Variants in TTC21A observed in about 807,000 individuals in gnomAD.
TTC21A encodes tetratricopeptide repeat domain 21A, also known as tetratricopeptide repeat protein 21A.
In TTC21A, 128 loss-of-function variants were observed where a neutral mutation model predicts 156.4. The observed-to-expected ratio is 0.82, with a 90% CI of 0.71 to 0.95. The LOEUF (loss-of-function observed/expected upper bound fraction) is 0.95. Among genes scored for constraint, TTC21A ranks in the 40% least tolerant of loss-of-function variants. The probability of loss-of-function intolerance (pLI) is 0.00; values close to 1 mark genes in which losing one functional copy is unlikely to be tolerated. For synonymous variants in TTC21A, 587 were observed against 617.1 expected, an observed-to-expected ratio of 0.95 and a Z score of 0.72; for missense variants, 1,435 against 1,602.3, an observed-to-expected ratio of 0.90 and a Z score of 1.78.
At chr3:39,132,608 C>T in intron 19 of TTC21A, 1 of 184,464 alleles carries the variant, frequency 5.4e-6, no homozygotes, top group Non-Finnish European at 1.1e-5. Flanking sequence ...TTCCTCTTGC[C>T]CTGATGTTCT....
rs202110419 is a variant in TTC21A at position 39,112,633 on chromosome 3, C to T, written c.558+53C>T. 2,539 of 1,601,704 alleles carry T rather than the reference C, an allele frequency of 1.6e-3. 3 individuals are homozygous for T. The highest frequency in any genetic ancestry group is 2.3e-3 in the Admixed American group (137 of 58,844). On this transcript the variant is annotated intron_variant, in intron 5 of 28. Coordinates refer to ENST00000683103, the MANE Select transcript of TTC21A (RefSeq NM_001366900.1). ...AGTATTCCTGGCCAGGCCACTGGAA[C>T]CAGAGACCCACCAGGTACCCCCAGG...
rs751730882 is a variant in TTC21A at position 39,114,557 on chromosome 3, G to A, written c.559-28G>A. 18 of 1,612,294 alleles carry A rather than the reference G, an allele frequency of 1.1e-5. No homozygotes were observed. In the East Asian group the frequency reaches 2.5e-4, roughly 22 times the overall value. On this transcript the variant is annotated intron_variant, in intron 5 of 28. Transcript: ENST00000683103. ...CTCCCTTCATGGGCACTCCCTTCAC[G>A]GAGGCTCTTCTGTCTGGCTCCCAAC...
At chr3:39,125,199 T>A in intron 10 of TTC21A, 39 bp downstream of exon 10, 1 of 1,535,032 alleles carries the variant, frequency 6.5e-7, no homozygotes, top group South Asian at 1.1e-5. Context: ...TCCAGGATGA[T>A]GTCCTCTGCT....
chr3:39,115,471 G>A (rs1032866137), intron 6 of TTC21A, among the ~76,000 whole-genome samples: 7 of 152,080 alleles, frequency 4.6e-5, no homozygotes, highest in Non-Finnish European at 7.4e-5. Context: ...GACCAGCCTC[G>A]GCAACATAGT....
At position 39,127,883 on chromosome 3, in the gene TTC21A, C is replaced by G. The variant is rs1167204341; in HGVS notation, c.1523-448C>G. ...GACAAGAACAATAGCACCAACCTTG[C>G]AGGGCTGGGCAAGTAATAAATCAGA... On this transcript the variant is annotated intron_variant, in intron 12 of 28. Coordinates refer to ENST00000683103, the MANE Select transcript of TTC21A (RefSeq NM_001366900.1). 2.0e-5 allele frequency among the ~76,000 whole-genome samples: 3 copies of G among 152,226 alleles called. No homozygotes were observed. The East Asian group carries it at 5.8e-4, about 29-fold the overall frequency.
In TTC21A at chr3:39,126,281, C is replaced by A; in HGVS notation, c.1413C>A (p.Ile471=). The change falls in exon 12 of 29, where the codon ATC becomes ATA. Residue 471 remains isoleucine (I), a synonymous_variant. Transcript: ENST00000683103. ...CACAGCCCAGGTTACCAGGCCAGAT[C>A]GTGTCTCCACTTCTTAAACAAGTCG... ...CPKQPRLPGQ[I]VSPLLKQVAV... is the part of the protein sequence containing the mutation. 6.2e-7 allele frequency: 1 copy of A among 1,614,074 alleles called. No homozygotes were observed. The highest frequency in any genetic ancestry group is 8.5e-7 in the Non-Finnish European group (1 of 1,180,004).
chr3:39,118,320 G>A (rs2037464797), intron 7 of TTC21A, 167 bp downstream of exon 7: 2 of 656,804 alleles, frequency 3.0e-6, no homozygotes, highest in Non-Finnish European at 5.4e-6. Context: ...GCTCTGGTTT[G>A]ACTCTTTGAG....
intron 1 of TTC21A, chr3:39,108,203 C>T (rs2036412556): frequency 1.9e-6 from 1 of 522,184 alleles, no homozygotes; most frequent in African/African-American, 1.9e-5. Context: ...ATCTCCTAGC[C>T]TTAACTCATA....
chr3:39,124,550 T>G (rs374842869), intron 9 of TTC21A, among the ~76,000 whole-genome samples: 14 of 150,328 alleles, frequency 9.3e-5, no homozygotes, highest in Non-Finnish European at 1.8e-4. Flanking sequence ...TCCCAGCTAC[T>G]CAGGAGGCTG....
At chr3:39,129,730 G>A (rs867152621) in intron 15 of TTC21A, among the ~76,000 whole-genome samples, 1 of 152,222 alleles carries the variant, frequency 6.6e-6, no homozygotes, top group African/African-American at 2.4e-5. Context: ...AGGGAGTAGG[G>A]AAGGCTATCC....
chr3:39,109,784 C>T (rs909531208), intron 2 of TTC21A, among the ~76,000 whole-genome samples: 2 of 152,238 alleles, frequency 1.3e-5, no homozygotes, highest in African/African-American at 4.8e-5. Flanking sequence ...CAGCCTCACA[C>T]ATATCCCCAC....
intron 19 of TTC21A, 98 bp from the exon 20 acceptor site, chr3:39,132,954 T>G: frequency 7.0e-7 from 1 of 1,437,322 alleles, no homozygotes; most frequent in Non-Finnish European, 9.5e-7. Context: ...TATGTGTCAT[T>G]TTTCATACTT....
At chr3:39,121,638 C>T (rs2037775857) in intron 9 of TTC21A, among the ~76,000 whole-genome samples, 1 of 152,240 alleles carries the variant, frequency 6.6e-6, no homozygotes, top group African/African-American at 2.4e-5. Flanking sequence ...ATATATTTCC[C>T]TGTCTGTCCA....
Position 39,118,402 on chromosome 3 carries a change from G to A in TTC21A, c.801+249G>A, listed in dbSNP as rs1228538047. On this transcript the variant is annotated intron_variant, in intron 7 of 28. Transcript: ENST00000683103. ...TAGGCTCTGCCATGTGCTATCTGTG[G>A]AAGCCTGGGCAGGTGTCCCCACCTG... 7.1e-6 allele frequency: 4 copies of A among 560,876 alleles called. No homozygotes were observed. The African/African-American group carries it at 7.5e-5, about 11-fold the overall frequency. 34.7% of individuals were successfully genotyped at this position (560,876 alleles called of 1,614,324 possible).
chr3:39,112,724 G>A (rs887305430), intron 5 of TTC21A, 144 bp downstream of exon 5: 3 of 1,298,760 alleles, frequency 2.3e-6, no homozygotes, highest in Non-Finnish European at 3.1e-6. Flanking sequence ...GAGAGGTTCA[G>A]CAACCAATCC....
At chr3:39,125,647 A>G in intron 11 of TTC21A, 115 bp downstream of exon 11, 2 of 781,074 alleles carry the variant, frequency 2.6e-6, no homozygotes, top group Non-Finnish European at 4.4e-6. Context: ...GGATGGGGTG[A>G]GCCTTGGGCA....
Position 39,134,319 on chromosome 3 carries a change from C to A in TTC21A, c.2853C>A (p.Thr951=). 2 of 1,612,512 alleles carry A rather than the reference C, an allele frequency of 1.2e-6. No individual in the cohort carries two copies. Among genetic ancestry groups the A allele is most frequent in the Non-Finnish European group, 1.7e-6 (2 of 1,178,566 alleles). Residue 951 remains threonine, a synonymous_variant, in exon 21 of 29, where the codon ACC becomes ACA. Coordinates refer to ENST00000683103, the MANE Select transcript of TTC21A (RefSeq NM_001366900.1). The surrounding 1 kb of genome is among the most constrained non-coding windows in gnomAD (Gnocchi z 4.6). ...TGCAGACTGAGCAGAACCATGAGAC[C>A]GCTTCTGTGGTAGGAAGCCCCCAGC... The part of the protein sequence containing the change: ...ILLQTEQNHE[T]ASVLMADLMF...
At position 39,121,002 on chromosome 3, in the gene TTC21A, G is replaced by A; in HGVS notation, c.906G>A (p.Gly302=). The change falls in exon 9 of 29, where the codon GGG becomes GGA. Residue 302 remains glycine (G), a synonymous_variant. Transcript: ENST00000683103. ...CACCTTCCTGTTTCTTGCAGTGTGG[G>A]AGTCACCAGGTGATTCTAGGGCTAG... is the stretch of plus-strand genomic sequence containing the variant. ...KKIIVVSRLC[G]SHQVILGLVC... The A allele has an allele frequency of 6.2e-7, 1 of 1,604,344 alleles. No individual in the cohort carries two copies. Among genetic ancestry groups the A allele is most frequent in the Non-Finnish European group, 8.5e-7 (1 of 1,174,092 alleles).
rs781281585 is a variant in TTC21A at position 39,134,234 on chromosome 3, C to T, written c.2768C>T (p.Ala923Val). Residue 923 changes from alanine (A) to valine (V), a missense_variant, in exon 21 of 29, where the codon GCG (alanine) becomes GTG (valine). Coordinates refer to ENST00000683103, the MANE Select transcript of TTC21A (RefSeq NM_001366900.1). The surrounding 1 kb of genome is among the most constrained non-coding windows in gnomAD (Gnocchi z 4.6). ...TTGTCCCAGGTGATGCTGGAGCTGG[C>T]GCAGCTCTACCTGCTCCAGGGGCAC... Reference protein sequence around the residue: ...PTDNKVMLELAQLYLLQGHLD... With the variant: ...PTDNKVMLELVQLYLLQGHLD... 5.0e-6 allele frequency: 8 copies of T among 1,612,594 alleles called. No individual in the cohort carries two copies. Among genetic ancestry groups the T allele is most frequent in the East Asian group, 4.5e-5 (2 of 44,870 alleles).
Sources: gnomAD v4.1 joint callset for allele counts (sites outside exome capture counted in the v4.1 genomes callset) on GRCh38, gnomAD v4.1.1 for gene constraint, Gnocchi (gnomAD v3.1) non-coding constraint, MANE v1.5 for transcripts, NCBI Gene and HGNC (gene_info 2026-07-23, HGNC 2026-07-21) for gene names.